LRRIQ1: variants seen among roughly 807,000 people sequenced by gnomAD.
LRRIQ1 encodes leucine rich repeats and IQ motif containing 1, also known as leucine-rich repeat- and IQ domain-containing protein 1.
A neutral mutation model predicts 211.9 loss-of-function variants in LRRIQ1; 210 were observed. The observed-to-expected ratio is 0.99, with a 90% CI of 0.89 to 1.11. The LOEUF is 1.11. LRRIQ1 is among the 50% of genes most tolerant of loss of function. The probability of loss-of-function intolerance (pLI) is 0.00; values close to 1 mark genes in which losing one functional copy is unlikely to be tolerated. For synonymous variants in LRRIQ1, 699 were observed against 650.1 expected (o/e 1.08, Z -1.14); for missense variants, 2,136 against 1,939.5 (o/e 1.10, Z -1.90).
rs1879716809 is a variant in LRRIQ1, at chr12:85,047,262, A to G, written c.470A>G (p.Asn157Ser). The change falls in exon 6 of 27, where the codon AAT becomes AGT. Residue 157 changes from asparagine to serine, a missense_variant. Coordinates refer to ENST00000393217, the MANE Select transcript of LRRIQ1 (RefSeq NM_001079910.2). ...EHVLPDDADI[N>S]FGYCEVEEKC... is the part of the protein sequence containing the mutation. ...ATGAGTGCAGATGATGCTGATATAA[A>G]TTTTGGATACTGTGAAGTGGAAGAA... 6.3e-7 allele frequency: 1 copy of G among 1,592,830 alleles called. No homozygotes were observed. Among genetic ancestry groups the G allele is most frequent in the East Asian group, 2.2e-5 (1 of 44,664 alleles).
chr12:85,196,045 G>T (rs1156236044), intron 24 of LRRIQ1, among the ~76,000 whole-genome samples: 3 of 152,010 alleles, frequency 2.0e-5, no homozygotes, highest in South Asian at 2.1e-4. Flanking sequence ...GACAAACAGA[G>T]AGCCAAATCA....
At chr12:85,068,337 A>G (rs1298499035) in intron 10 of LRRIQ1, among the ~76,000 whole-genome samples, 4 of 151,880 alleles carry the variant, frequency 2.6e-5, no homozygotes, top group African/African-American at 9.7e-5. Flanking sequence ...TTCTGTGTCT[A>G]GTCCTGGTTA....
At chr12:85,074,116 A>G (rs890848377) in intron 11 of LRRIQ1, among the ~76,000 whole-genome samples, 1 of 152,040 alleles carries the variant, frequency 6.6e-6, no homozygotes, top group Non-Finnish European at 1.5e-5. Flanking sequence ...ATTAGAAAAT[A>G]TTAATGTACA....
intron 19 of LRRIQ1, among the ~76,000 whole-genome samples, chr12:85,151,559 TA>T: frequency 6.6e-6 from 1 of 151,752 alleles, no homozygotes; most frequent in South Asian, 2.1e-4. Flanking sequence ...TTCAATCAAG[TA>T]AAAATCAGAT....
At chr12:85,182,994 G>A (rs1892057705) in intron 24 of LRRIQ1, among the ~76,000 whole-genome samples, 1 of 152,152 alleles carries the variant, frequency 6.6e-6, no homozygotes, top group Non-Finnish European at 1.5e-5. Flanking sequence ...GACTGCAGGA[G>A]CCTTCCAGTG....
At chr12:85,094,321 A>G (rs1040800260) in intron 11 of LRRIQ1, among the ~76,000 whole-genome samples, 1 of 152,134 alleles carries the variant, frequency 6.6e-6, no homozygotes, top group Non-Finnish European at 1.5e-5. Context: ...TGAGTTGTAT[A>G]ATTATTTTAT....
intron 4 of LRRIQ1, among the ~76,000 whole-genome samples, chr12:85,045,716 A>G (rs952523362): frequency 3.9e-5 from 6 of 151,940 alleles, no homozygotes; most frequent in Admixed American, 3.3e-4. Flanking sequence ...AAACATTAGT[A>G]GAAACATTTT....
chr12:85,122,421 A>G (rs1489226499), intron 16 of LRRIQ1, among the ~76,000 whole-genome samples: 2 of 152,172 alleles, frequency 1.3e-5, no homozygotes, highest in African/African-American at 4.8e-5. Context: ...CAAATGTTGA[A>G]GAAAGAAAAC....
rs1878419177 is a variant in LRRIQ1, at chr12:85,038,207, G to C, written c.31G>C (p.Glu11Gln). The change falls in exon 2 of 27, where the codon GAA becomes CAA. Residue 11 changes from glutamate to glutamine, a missense_variant. By Grantham distance (29) the Glu-to-Gln change is conservative (BLOSUM62 2). Coordinates refer to ENST00000393217, the MANE Select transcript of LRRIQ1 (RefSeq NM_001079910.2). ...CGATGATGATGCAAAGCTCAAAGCAGAAATAGAAGCTGAATTGGATAAACT... is the reference window on the plus strand; with the variant it reads ...CGATGATGATGCAAAGCTCAAAGCACAAATAGAAGCTGAATTGGATAAACT... MDDDDAKLKA[E>Q]IEAELDKLSI... 2 of 1,581,044 alleles carry C rather than the reference G, an allele frequency of 1.3e-6. No individual in the cohort carries two copies. Among genetic ancestry groups the C allele is most frequent in the South Asian group, 1.2e-5 (1 of 86,788 alleles).
intron 11 of LRRIQ1, among the ~76,000 whole-genome samples, chr12:85,089,830 G>C (rs1400656316): frequency 6.6e-6 from 1 of 152,146 alleles, no homozygotes; most frequent in African/African-American, 2.4e-5. Flanking sequence ...GCTTTTTTGG[G>C]GGGAGTAATT....
chr12:85,053,811 C>G (rs972315509), intron 7 of LRRIQ1, among the ~76,000 whole-genome samples: 9 of 152,128 alleles, frequency 5.9e-5, no homozygotes, highest in Non-Finnish European at 1.3e-4. Context: ...GGGTTCACGC[C>G]ATTCTCCTGC....
chr12:85,266,678 G>A (rs1896428105), downstream of LRRIQ1, among the ~76,000 whole-genome samples: 1 of 152,124 alleles, frequency 6.6e-6, no homozygotes, highest in African/African-American at 2.4e-5. Flanking sequence ...GGCTTCATTA[G>A]ATTTCAGTAC....
At chr12:85,082,703 C>G (rs1884427434) in intron 11 of LRRIQ1, among the ~76,000 whole-genome samples, 1 of 152,088 alleles carries the variant, frequency 6.6e-6, no homozygotes, top group African/African-American at 2.4e-5. Context: ...ATTCTAATTT[C>G]CATGTAGTTC....
chr12:85,087,625 T>C lies in LRRIQ1; in HGVS notation c.2888-10730T>C, dbSNP rs575303349. Among the ~76,000 whole-genome samples the C allele has an allele frequency of 3.9e-5, 6 of 152,204 alleles. No homozygotes were observed. The South Asian group carries it at 1.2e-3, about 31-fold the overall frequency. On this transcript the variant is annotated intron_variant, in intron 11 of 26. Coordinates refer to ENST00000393217, the MANE Select transcript of LRRIQ1 (RefSeq NM_001079910.2). Reference sequence around the variant, plus strand: ...CACCTGTTGTTTCCTGACTTTTTAATGATTGCCATTCTAACTGGTGTGAGA... The same window carrying C: ...CACCTGTTGTTTCCTGACTTTTTAACGATTGCCATTCTAACTGGTGTGAGA...
chr12:85,076,259 A>C (rs911780495), intron 11 of LRRIQ1, among the ~76,000 whole-genome samples: 1 of 151,986 alleles, frequency 6.6e-6, no homozygotes, highest in African/African-American at 2.4e-5. Flanking sequence ...TCTTGACTTT[A>C]ATATCATAGT....
In LRRIQ1 at chr12:85,056,460, T is replaced by C; in HGVS notation, c.1667T>C (p.Ile556Thr). The C allele has an allele frequency of 6.2e-7, 1 of 1,607,808 alleles. No homozygotes were observed. The highest frequency in any genetic ancestry group is 2.2e-5 in the East Asian group (1 of 44,662). Residue 556 changes from isoleucine (I) to threonine (T), a missense_variant, in exon 8 of 27, where the codon ATA becomes ACA. Physicochemically the swap from Ile to Thr is moderately conservative, Grantham distance 89. Transcript: ENST00000393217. ...NENTGQKTQI[I>T]LGHNQEISEV... ...AATACAGGACAAAAAACCCAGATAA[T>C]ATTAGGACATAACCAAGAAATCAGT... is the stretch of plus-strand genomic sequence containing the variant.
chr12:85,135,447 A>G (rs1296601462), intron 18 of LRRIQ1, among the ~76,000 whole-genome samples: 1 of 151,878 alleles, frequency 6.6e-6, no homozygotes, highest in Non-Finnish European at 1.5e-5. Context: ...TTATTGTATT[A>G]ATGGTTTGCA....
intron 24 of LRRIQ1, among the ~76,000 whole-genome samples, chr12:85,223,959 C>T (rs752068142): frequency 2.6e-5 from 4 of 151,970 alleles, no homozygotes; most frequent in Non-Finnish European, 5.9e-5. Context: ...TATATGCTCT[C>T]TTACTGTTGA....
chr12:85,072,921 C>T lies in LRRIQ1; in HGVS notation c.2710C>T (p.Leu904=). Residue 904 remains leucine, a synonymous_variant, in exon 11 of 27, where the codon CTG becomes TTG. Coordinates refer to ENST00000393217, the MANE Select transcript of LRRIQ1 (RefSeq NM_001079910.2). The part of the protein sequence containing the change: ...KITRIGYSFF[L]EEKLVDNAGF... ...ATCCTACTCAGGATATTCCTTCTTT[C>T]TGGAAGAAAAACTTGTTGACAATGC... The T allele has an allele frequency of 1.2e-6, 2 of 1,607,068 alleles. No homozygotes were observed. Among genetic ancestry groups the T allele is most frequent in the Non-Finnish European group, 1.7e-6 (2 of 1,177,088 alleles).
Sources: gnomAD v4.1 joint callset for allele counts (sites outside exome capture counted in the v4.1 genomes callset) on GRCh38, gnomAD v4.1.1 for gene constraint, MANE v1.5 for transcripts, NCBI Gene and HGNC (gene_info 2026-07-23, HGNC 2026-07-21) for gene names.